ESRRG: variants seen among roughly 807,000 people sequenced by gnomAD.
ESRRG encodes estrogen related receptor gamma, also known as estrogen-related receptor gamma.
Under a neutral mutation model 44.0 loss-of-function variants are expected in ESRRG, and 13 were observed. That is an observed-to-expected ratio of 0.30 (90% CI 0.19 to 0.47). The LOEUF (loss-of-function observed/expected upper bound fraction) is 0.47. Ranked by LOEUF, ESRRG falls within the 20% of genes least tolerant of loss-of-function variation. ESRRG has a pLI of 1.00. For missense variants in ESRRG, 395 were observed against 580.6 expected (o/e 0.68, Z 3.29); for synonymous variants, 215 against 214.6 (o/e 1.00, Z -0.02).
chr1:216,707,311 G>T, intron 1 of ESRRG: 1 of 1,529,522 alleles, frequency 6.5e-7, no homozygotes, highest in South Asian at 1.2e-5. Context: ...AAGATTTAAT[G>T]GCAACTTTGG....
At chr1:217,027,150 T>C (rs1258143252) in intron 1 of ESRRG, among the ~76,000 whole-genome samples, 1 of 152,154 alleles carries the variant, frequency 6.6e-6, no homozygotes, top group Non-Finnish European at 1.5e-5. Context: ...ATGTTCCTTC[T>C]GTTCCCCAAA....
chr1:216,960,962 G>A (rs2068923010), intron 1 of ESRRG, among the ~76,000 whole-genome samples: 1 of 152,060 alleles, frequency 6.6e-6, no homozygotes. Context: ...TTCCTTGTAG[G>A]AACATACCAA....
intron 2 of ESRRG, among the ~76,000 whole-genome samples, chr1:216,922,161 C>T (rs998132520): frequency 6.6e-6 from 1 of 152,224 alleles, no homozygotes; most frequent in Admixed American, 6.5e-5. Flanking sequence ...AATATCTACC[C>T]TCCAGGGCAA....
Position 216,631,391 on chromosome 1 carries a change from G to C in ESRRG, c.589+19582C>G, listed in dbSNP as rs1846227. On this transcript the variant is annotated intron_variant, in intron 3 of 6. Transcript: ENST00000408911. ...ATCTTGGTAAATAGTGTTTGTTTTA[G>C]GAATACTTGGAAAATGCATTTACAT... Among the ~76,000 whole-genome samples, 1,387 of 152,146 alleles carry C rather than the reference G, an allele frequency of 9.1e-3. 28 individuals are homozygous for C. The highest frequency in any genetic ancestry group is 0.032 in the African/African-American group (1,320 of 41,498).
At chr1:216,949,277 C>T (rs1429953532) in intron 1 of ESRRG, among the ~76,000 whole-genome samples, 1 of 152,186 alleles carries the variant, frequency 6.6e-6, no homozygotes, top group Non-Finnish European at 1.5e-5. Flanking sequence ...TATCTGCAAA[C>T]ATGCAAAGGC....
intron 3 of ESRRG, among the ~76,000 whole-genome samples, chr1:216,612,484 C>A (rs992941607): frequency 6.6e-6 from 1 of 152,180 alleles, no homozygotes; most frequent in African/African-American, 2.4e-5. Flanking sequence ...ACTCTTTTAT[C>A]ACTTCCCAAA....
intron 2 of ESRRG, among the ~76,000 whole-genome samples, chr1:216,657,224 G>T (rs1164275713): frequency 6.6e-6 from 1 of 152,106 alleles, no homozygotes; most frequent in African/African-American, 2.4e-5. Flanking sequence ...TTATGGAATA[G>T]TAATTTATTC....
chr1:217,129,894 C>A (rs2092941453), intron 1 of ESRRG, among the ~76,000 whole-genome samples: 1 of 151,742 alleles, frequency 6.6e-6, no homozygotes, highest in Non-Finnish European at 1.5e-5. Flanking sequence ...ACGAAGGTTG[C>A]ACATCATGGT....
At chr1:216,743,849 T>G (rs1254814931) in intron 2 of ESRRG, among the ~76,000 whole-genome samples, 3 of 152,226 alleles carry the variant, frequency 2.0e-5, no homozygotes, top group Admixed American at 2.0e-4. Flanking sequence ...CTAATTTTAC[T>G]GATTAGGAAG....
chr1:216,550,446 C>A (rs1006783091), intron 5 of ESRRG, among the ~76,000 whole-genome samples: 1 of 152,064 alleles, frequency 6.6e-6, no homozygotes, highest in African/African-American at 2.4e-5. Flanking sequence ...AAAAAATGAG[C>A]AATAATGCCT....
chr1:216,941,534 A>G (rs1356085413), intron 1 of ESRRG, among the ~76,000 whole-genome samples: 1 of 152,166 alleles, frequency 6.6e-6, no homozygotes, highest in Non-Finnish European at 1.5e-5. Flanking sequence ...CACACCAACA[A>G]CTATCTCAAA....
intron 4 of ESRRG, 168 bp from the exon 5 acceptor site, chr1:216,564,548 C>T: frequency 2.3e-6 from 1 of 440,592 alleles, no homozygotes; most frequent in Non-Finnish European, 3.9e-6. Context: ...CAGGAAAACT[C>T]ATAGCAAGAC....
At chr1:217,132,040 G>A (rs2092973848) in intron 1 of ESRRG, among the ~76,000 whole-genome samples, 2 of 152,358 alleles carry the variant, frequency 1.3e-5, no homozygotes, top group South Asian at 4.1e-4. Flanking sequence ...GAGCTCTGGA[G>A]TTGCTGACCC....
intron 2 of ESRRG, among the ~76,000 whole-genome samples, chr1:216,836,636 C>T (rs892808386): frequency 6.6e-6 from 1 of 151,198 alleles, no homozygotes; most frequent in Admixed American, 6.6e-5. Flanking sequence ...AGTTTTACAA[C>T]AGCCACCAGC....
chr1:216,604,528 C>T (rs2059669840), intron 3 of ESRRG, among the ~76,000 whole-genome samples: 1 of 152,222 alleles, frequency 6.6e-6, no homozygotes, highest in Admixed American at 6.5e-5. Flanking sequence ...GTCCTGAATC[C>T]CAGCCCCCCA....
chr1:217,047,099 G>A (rs367658331), intron 1 of ESRRG, among the ~76,000 whole-genome samples: 246 of 152,114 alleles, frequency 1.6e-3, no homozygotes, highest in African/African-American at 5.1e-3. Context: ...ATCTGGTCTC[G>A]ATGGTAAGCC....
chr1:216,656,391 T>C (rs1221881336), intron 2 of ESRRG, among the ~76,000 whole-genome samples: 2 of 152,144 alleles, frequency 1.3e-5, no homozygotes, highest in South Asian at 2.1e-4. Context: ...ACAAGAAAGA[T>C]AGAGCAATTT....
At chr1:216,795,342 CTTTTTTTTTTT>C (rs35142972) in intron 2 of ESRRG, among the ~76,000 whole-genome samples, 4 of 105,442 alleles carry the variant, frequency 3.8e-5, no homozygotes, top group Non-Finnish European at 5.4e-5. Flanking sequence ...TTTTCTTTTT[CTTTTTTTTTTT>C]TTTTTTTTGA....
chr1:216,652,178 T>C (rs989610250), intron 2 of ESRRG, among the ~76,000 whole-genome samples: 1 of 152,174 alleles, frequency 6.6e-6, no homozygotes, highest in Non-Finnish European at 1.5e-5. Context: ...CCGAGCATAA[T>C]TGCAATTTTG....
Sources: gnomAD v4.1 joint callset for allele counts (sites outside exome capture counted in the v4.1 genomes callset) on GRCh38, gnomAD v4.1.1 for gene constraint, MANE v1.5 for transcripts, NCBI Gene and HGNC (gene_info 2026-07-23, HGNC 2026-07-21) for gene names.